PKP4: variants seen among roughly 807,000 people sequenced by gnomAD.
PKP4 encodes plakophilin 4, also known as plakophilin-4.
A neutral mutation model predicts 145.1 loss-of-function variants in PKP4; 90 were observed. The observed-to-expected ratio is 0.62, with a 90% confidence interval of 0.52 to 0.74. The LOEUF is 0.74. Ranked by LOEUF, PKP4 falls within the 30% of genes least tolerant of loss-of-function variation. The pLI is 0.00. For missense variants in PKP4, 1,340 were observed against 1,482.7 expected (o/e 0.90, Z 1.58); for synonymous variants, 563 against 577.2 (o/e 0.98, Z 0.35).
chr2:158,662,819 G>C, intron 13 of PKP4, 78 bp from the exon 14 acceptor site: 1 of 1,072,568 alleles, frequency 9.3e-7, no homozygotes, highest in Non-Finnish European at 1.3e-6. Context: ...TTTATTTCCT[G>C]TCTGTAGTGT....
At chr2:158,678,393 C>CCCTG (rs2106031107) in intron 20 of PKP4, among the ~76,000 whole-genome samples, 188 bp from the exon 21 acceptor site, 1 of 151,688 alleles carries the variant, frequency 6.6e-6, no homozygotes, top group South Asian at 2.1e-4. Context: ...CCCCCACCAG[C>CCCTG]CCTGAGGTAA....
chr2:158,476,342 T>C (rs1253881801), intron 1 of PKP4, among the ~76,000 whole-genome samples: 5 of 152,308 alleles, frequency 3.3e-5, no homozygotes, highest in Non-Finnish European at 7.4e-5. Context: ...AGTTTTATTT[T>C]ATTTTTTTAG....
intron 4 of PKP4, among the ~76,000 whole-genome samples, chr2:158,618,090 C>T (rs1019749218): frequency 6.6e-6 from 1 of 151,920 alleles, no homozygotes; most frequent in South Asian, 2.1e-4. Context: ...GGCTGAGGCA[C>T]GAGAATCACT....
intron 2 of PKP4, among the ~76,000 whole-genome samples, chr2:158,551,746 A>G (rs1241740066): frequency 6.6e-6 from 1 of 152,256 alleles, no homozygotes; most frequent in Non-Finnish European, 1.5e-5. Context: ...TATGTTTAAA[A>G]GTTAATTATA....
rs16843186 is a variant in PKP4, at chr2:158,661,195, T to G, written c.2094-138T>G. On this transcript the variant is annotated intron_variant, in intron 12 of 21. Coordinates refer to ENST00000389759, the MANE Select transcript of PKP4 (RefSeq NM_003628.6). ...CATTGTGAGCTTCAGGATGTTACCA[T>G]GCAAGCCCCCAGTGCCTCCTCCGAC... 0.018 allele frequency: 11,261 copies of G among 608,780 alleles called. 363 individuals are homozygous for G. The highest frequency in any genetic ancestry group is 0.11 in the African/African-American group (5,999 of 55,080). The allele number at this position is 608,780 out of a possible 1,614,324, so 37.7% of individuals were successfully genotyped here. A position where few individuals can be genotyped will look rare whatever the true frequency, so the allele number is the denominator to read the frequency against.
intron 1 of PKP4, among the ~76,000 whole-genome samples, chr2:158,528,853 C>T (rs2043235222): frequency 6.6e-6 from 1 of 152,108 alleles, no homozygotes; most frequent in African/African-American, 2.4e-5. Flanking sequence ...TCCAGCATTC[C>T]CTCAGGAAAA....
chr2:158,573,164 C>G (rs543003727), intron 2 of PKP4, among the ~76,000 whole-genome samples: 4 of 152,322 alleles, frequency 2.6e-5, no homozygotes, highest in South Asian at 2.1e-4. Context: ...CAATGGAATA[C>G]TATTGGGCAG....
At chr2:158,508,323 G>A (rs546648252) in intron 1 of PKP4, among the ~76,000 whole-genome samples, 6 of 137,940 alleles carry the variant, frequency 4.3e-5, no homozygotes, top group South Asian at 2.3e-4. Context: ...CCAAGATCAC[G>A]CCATTGCACT....
Position 158,621,388 on chromosome 2 carries a change from G to T in PKP4, c.570G>T (p.Arg190Ser). ...FIGSTNNHVV[R>S]NSRAEGQTLV... ...GATCAACTAACAACCATGTGGTGAGGAATTCAAGAGCTGAAGGACAAACAC... is the reference window on the plus strand; with the variant it reads ...GATCAACTAACAACCATGTGGTGAGTAATTCAAGAGCTGAAGGACAAACAC... The change falls in exon 6 of 22, where the codon AGG becomes AGT. Residue 190 changes from arginine (R) to serine (S), a missense_variant. Transcript: ENST00000389759. 6.2e-7 allele frequency: 1 copy of T among 1,614,132 alleles called. No individual in the cohort carries two copies. The highest frequency in any genetic ancestry group is 8.5e-7 in the Non-Finnish European group (1 of 1,179,990).
At chr2:158,641,363 A>T (rs1232687519) in intron 10 of PKP4, among the ~76,000 whole-genome samples, 2 of 152,068 alleles carry the variant, frequency 1.3e-5, no homozygotes, top group Non-Finnish European at 2.9e-5. Flanking sequence ...GTTAAAAATT[A>T]TAGTATTCAT....
rs547262968 is a variant in PKP4 at position 158,477,789 on chromosome 2, A to C, written c.-6+20571A>C. 2.6e-5 allele frequency among the ~76,000 whole-genome samples: 4 copies of C among 152,278 alleles called. No individual in the cohort carries two copies. In the East Asian group the frequency reaches 7.7e-4, roughly 29 times the overall value. ...GAACTCAGGAGATCGAGGCTGCAGT[A>C]CACTGTGATCCTACCTGTGAATAGC... is the stretch of plus-strand genomic sequence containing the variant. On this transcript the variant is annotated intron_variant, in intron 1 of 21. Transcript: ENST00000389759.
chr2:158,630,509 G>C (rs906928617), intron 7 of PKP4, among the ~76,000 whole-genome samples: 11 of 152,164 alleles, frequency 7.2e-5, no homozygotes, highest in African/African-American at 2.4e-4. Context: ...TTAGTTCACT[G>C]ATAATATTAC....
At chr2:158,584,376 C>T (rs187204142) in intron 3 of PKP4, among the ~76,000 whole-genome samples, 1 of 152,202 alleles carries the variant, frequency 6.6e-6, no homozygotes, top group African/African-American at 2.4e-5. Context: ...ACCAGTGCAG[C>T]CTTCCAATGG....
rs752576355 is a variant in PKP4, at chr2:158,621,165, T to A, written c.412+44T>A. On this transcript the variant is annotated intron_variant, in intron 5 of 21. Coordinates refer to ENST00000389759, the MANE Select transcript of PKP4 (RefSeq NM_003628.6). ...TAAGTACTGGATTTGCTTTTAAGAT[T>A]TTATTCTTGAAAGCGAGTGTCAGAA... The A allele has an allele frequency of 2.5e-6, 4 of 1,613,616 alleles. No individual in the cohort carries two copies. In the Admixed American group the frequency reaches 6.7e-5, roughly 27 times the overall value.
At chr2:158,538,730 C>T (rs934820061) in intron 2 of PKP4, among the ~76,000 whole-genome samples, 6 of 151,818 alleles carry the variant, frequency 4.0e-5, no homozygotes, top group East Asian at 1.9e-4. Flanking sequence ...TTAGTAGAGA[C>T]GAGGTTTCTC....
In PKP4 at chr2:158,643,839, C is replaced by G. The variant is rs2054568001; in HGVS notation, c.1909+1140C>G. ...GGGATGCAATGGCATGATCTGAGCT[C>G]ACTGCAACCTCTGCCTCCCGGGTTC... On this transcript the variant is annotated intron_variant, in intron 11 of 21. Coordinates refer to ENST00000389759, the MANE Select transcript of PKP4 (RefSeq NM_003628.6). 3.3e-5 allele frequency among the ~76,000 whole-genome samples: 5 copies of G among 152,162 alleles called. 1 individual carries two copies. The South Asian group carries it at 1.0e-3, about 32-fold the overall frequency.
intron 1 of PKP4, among the ~76,000 whole-genome samples, chr2:158,503,964 G>GTTTTT (rs1175555071): frequency 4.6e-5 from 4 of 87,302 alleles, no homozygotes; most frequent in Non-Finnish European, 2.1e-5. Flanking sequence ...GTAAATTCTG[G>GTTTTT]CTTTTTTTTT....
intron 1 of PKP4, among the ~76,000 whole-genome samples, chr2:158,488,714 CTA>C (rs1559212781): frequency 6.6e-6 from 1 of 152,130 alleles, no homozygotes; most frequent in East Asian, 1.9e-4. Flanking sequence ...AATGAATAGA[CTA>C]TTTATTTGGG....
intron 4 of PKP4, among the ~76,000 whole-genome samples, chr2:158,606,436 A>C (rs1236617351): frequency 2.6e-5 from 4 of 152,160 alleles, no homozygotes; most frequent in African/African-American, 9.7e-5. Context: ...GTGGGTGTGA[A>C]GTAATTTGTT....
Sources: allele counts gnomAD v4.1 joint callset (sites outside exome capture counted in the v4.1 genomes callset), GRCh38; gene constraint gnomAD v4.1.1; transcripts MANE v1.5; gene names NCBI Gene and HGNC (gene_info 2026-07-23, HGNC 2026-07-21).